Variants in TAFA1 observed in about 807,000 individuals in gnomAD.
TAFA1 encodes TAFA chemokine like family member 1, also known as chemokine-like protein TAFA-1.
A neutral mutation model predicts 18.5 loss-of-function variants in TAFA1; 4 were observed. The observed-to-expected ratio is 0.22, with a 90% CI of 0.11 to 0.49. TAFA1 has a LOEUF of 0.49. Among genes scored for constraint, TAFA1 ranks in the 20% least tolerant of loss-of-function variants. TAFA1 has a pLI of 0.98. For missense variants in TAFA1, 147 were observed against 169.0 expected (o/e 0.87, Z 0.72); for synonymous variants, 56 against 55.2 (o/e 1.01, Z -0.06).
chr3:68,237,533 CATGT>C (rs1239459013), intron 2 of TAFA1, among the ~76,000 whole-genome samples: 3 of 152,080 alleles, frequency 2.0e-5, no homozygotes, highest in African/African-American at 7.2e-5. Flanking sequence ...GATAACAAGG[CATGT>C]ATGTATGAAT....
At chr3:68,457,272 TA>T (rs1485742474) in intron 3 of TAFA1, among the ~76,000 whole-genome samples, 1 of 152,236 alleles carries the variant, frequency 6.6e-6, no homozygotes, top group Non-Finnish European at 1.5e-5. Context: ...GTATGGCCTG[TA>T]AGTGTGTGTG....
Position 68,080,135 on chromosome 3 carries a change from C to T in TAFA1, c.118+73391C>T, listed in dbSNP as rs142699394. Among the ~76,000 whole-genome samples, 11 of 152,150 alleles carry T rather than the reference C, an allele frequency of 7.2e-5. No individual in the cohort carries two copies. The East Asian group carries it at 1.9e-3, about 27-fold the overall frequency. ...GTTTTACCAGAGACTAGGATTGCAA[C>T]CCCTGCCTTTTTTTATTTTCCATTT... is the stretch of plus-strand genomic sequence containing the variant. On this transcript the variant is annotated intron_variant, in intron 2 of 4. Coordinates refer to ENST00000478136, the MANE Select transcript of TAFA1 (RefSeq NM_213609.4).
intron 3 of TAFA1, among the ~76,000 whole-genome samples, chr3:68,427,805 G>A (rs1159437109): frequency 6.6e-6 from 1 of 151,996 alleles, no homozygotes; most frequent in South Asian, 2.1e-4. Flanking sequence ...AATAATGGGG[G>A]CAGGTTTTCC....
At chr3:68,380,215 C>T (rs1367751143) in intron 2 of TAFA1, among the ~76,000 whole-genome samples, 1 of 152,102 alleles carries the variant, frequency 6.6e-6, no homozygotes, top group African/African-American at 2.4e-5. Context: ...GTGAATACTG[C>T]CGCAATAAAC....
chr3:68,375,836 G>C (rs1237472255), intron 2 of TAFA1, among the ~76,000 whole-genome samples: 1 of 152,106 alleles, frequency 6.6e-6, no homozygotes, highest in African/African-American at 2.4e-5. Flanking sequence ...TCCCACAGAG[G>C]CTTCTAATAT....
At chr3:68,516,686 C>T (rs996896336) in intron 3 of TAFA1, among the ~76,000 whole-genome samples, 18 of 152,158 alleles carry the variant, frequency 1.2e-4, no homozygotes, top group African/African-American at 3.1e-4. Flanking sequence ...GTGTTCAGTG[C>T]GTAGGGGTCA....
At chr3:68,173,304 C>A (rs2066082120) in intron 2 of TAFA1, among the ~76,000 whole-genome samples, 1 of 148,028 alleles carries the variant, frequency 6.8e-6, no homozygotes, top group African/African-American at 2.7e-5. Context: ...CATGAAGAGG[C>A]CGCTTAAGAG....
intron 2 of TAFA1, among the ~76,000 whole-genome samples, chr3:68,168,142 T>TCCAAA (rs1553647729): frequency 8.9e-5 from 1 of 11,196 alleles, no homozygotes; most frequent in Non-Finnish European, 2.4e-4. Flanking sequence ...TCTTTTCAGA[T>TCCAAA]ACAAAAAAAA....
intron 2 of TAFA1, among the ~76,000 whole-genome samples, chr3:68,168,585 C>T (rs2066013815): frequency 6.6e-6 from 1 of 152,116 alleles, no homozygotes; most frequent in African/African-American, 2.4e-5. Flanking sequence ...TTCTTTAGAT[C>T]CTGGTAGCAA....
chr3:68,130,322 G>A (rs572322655), intron 2 of TAFA1, among the ~76,000 whole-genome samples: 7 of 152,190 alleles, frequency 4.6e-5, no homozygotes, highest in South Asian at 2.1e-4. Context: ...AGTTTGCTGC[G>A]GACATTTGGG....
intron 2 of TAFA1, among the ~76,000 whole-genome samples, chr3:68,201,396 T>C (rs917832109): frequency 1.1e-4 from 17 of 151,764 alleles, no homozygotes; most frequent in African/African-American, 3.6e-4. Flanking sequence ...TTTTTTCTGG[T>C]TCACTTGTGG....
chr3:68,375,487 C>G (rs181041835), intron 2 of TAFA1, among the ~76,000 whole-genome samples: 4 of 152,186 alleles, frequency 2.6e-5, no homozygotes, highest in African/African-American at 7.2e-5. Flanking sequence ...AGATGTTGTC[C>G]CTGACCTTAA....
Position 68,159,094 on chromosome 3 carries a change from C to G in TAFA1, c.118+152350C>G, listed in dbSNP as rs183624511. ...GTATGAATTTTAGTTTCGAAGAGCT[C>G]ACAGTCTTGTCTTGAGAAAGAAAGG... On this transcript the variant is annotated intron_variant, in intron 2 of 4. Transcript: ENST00000478136. Among the ~76,000 whole-genome samples, 55 of 152,238 alleles carry G rather than the reference C, an allele frequency of 3.6e-4. No homozygotes were observed. The East Asian group carries it at 6.2e-3, about 17-fold the overall frequency.
intron 2 of TAFA1, among the ~76,000 whole-genome samples, chr3:68,344,181 C>T (rs1223908296): frequency 6.6e-6 from 1 of 152,120 alleles, no homozygotes; most frequent in African/African-American, 2.4e-5. Flanking sequence ...ACATATGTGA[C>T]ATTTTATAAT....
At chr3:68,199,773 C>T (rs2066451234) in intron 2 of TAFA1, among the ~76,000 whole-genome samples, 1 of 151,450 alleles carries the variant, frequency 6.6e-6, no homozygotes, top group South Asian at 2.1e-4. Context: ...GGATTTTCTA[C>T]ATAATCATGC....
intron 3 of TAFA1, among the ~76,000 whole-genome samples, chr3:68,437,942 C>A (rs1421356744): frequency 6.6e-6 from 1 of 152,060 alleles, no homozygotes; most frequent in African/African-American, 2.4e-5. Context: ...CATCTACTTC[C>A]AAGACACACG....
intron 2 of TAFA1, among the ~76,000 whole-genome samples, chr3:68,158,386 T>C (rs188516051): frequency 6.6e-6 from 1 of 152,214 alleles, no homozygotes; most frequent in Non-Finnish European, 1.5e-5. Flanking sequence ...AGGTAGGGGC[T>C]GGTTTCAAAT....
intron 2 of TAFA1, among the ~76,000 whole-genome samples, chr3:68,273,920 A>T (rs990105783): frequency 2.6e-5 from 4 of 152,154 alleles, no homozygotes; most frequent in African/African-American, 9.7e-5. Context: ...TCAACATTTT[A>T]TTCTAATTTC....
intron 2 of TAFA1, among the ~76,000 whole-genome samples, chr3:68,178,146 C>T (rs554656897): frequency 2.8e-5 from 4 of 142,664 alleles, no homozygotes; most frequent in African/African-American, 4.9e-5. Context: ...TCCATCCCCC[C>T]CTCCCCAAAA....
Sources: gnomAD v4.1 joint callset for allele counts (sites outside exome capture counted in the v4.1 genomes callset) on GRCh38, gnomAD v4.1.1 for gene constraint, MANE v1.5 for transcripts, NCBI Gene and HGNC (gene_info 2026-07-23, HGNC 2026-07-21) for gene names.